Variants in RNF38 observed in about 807,000 individuals in gnomAD.
RNF38 encodes the protein ring finger protein 38.
A neutral mutation model predicts 67.2 loss-of-function variants in RNF38; 15 were observed. The ratio of observed to expected loss-of-function variants is 0.22; its 90% CI spans 0.15 to 0.34. The LOEUF (loss-of-function observed/expected upper bound fraction) is 0.34. Among genes scored for constraint, RNF38 ranks in the 10% least tolerant of loss-of-function variants. The pLI is 1.00. For synonymous variants in RNF38, 220 were observed against 218.8 expected, an observed-to-expected ratio of 1.01 and a Z score of -0.05; for missense variants, 524 against 639.9, an observed-to-expected ratio of 0.82 and a Z score of 1.95.
chr9:36,482,094 C>A (rs1840284141), intron 1 of RNF38, among the ~76,000 whole-genome samples: 2 of 143,730 alleles, frequency 1.4e-5, no homozygotes, highest in African/African-American at 5.2e-5. Flanking sequence ...GCTCTTGTTG[C>A]CCAGGCTGGA....
chr9:36,425,455 A>T (rs1330884460), intron 1 of RNF38, among the ~76,000 whole-genome samples: 1 of 152,212 alleles, frequency 6.6e-6, no homozygotes. Context: ...GCACTTTGGG[A>T]GGCCAGGGCG....
At chr9:36,435,770 C>T (rs1839050983) in intron 1 of RNF38, among the ~76,000 whole-genome samples, 1 of 152,062 alleles carries the variant, frequency 6.6e-6, no homozygotes, top group South Asian at 2.1e-4. Context: ...GCTGGGACCA[C>T]TGGTGCCTGC....
intron 3 of RNF38, among the ~76,000 whole-genome samples, chr9:36,374,188 TAA>T (rs780099992): frequency 6.6e-6 from 1 of 152,194 alleles, no homozygotes; most frequent in Non-Finnish European, 1.5e-5. Context: ...CTGGGTAATG[TAA>T]AAGTCTTAAT....
At chr9:36,339,949 C>G in intron 11 of RNF38, 135 bp from the exon 12 acceptor site, 2 of 775,040 alleles carry the variant, frequency 2.6e-6, no homozygotes, top group Non-Finnish European at 4.2e-6. Flanking sequence ...CAATTTTTGC[C>G]TTTTTTTAAC....
At chr9:36,366,398 G>C (rs1564012787) in intron 4 of RNF38, among the ~76,000 whole-genome samples, 1 of 151,894 alleles carries the variant, frequency 6.6e-6, no homozygotes, top group African/African-American at 2.4e-5. Context: ...TATTGCAACT[G>C]ATTAGTATGT....
chr9:36,428,532 G>T (rs1423863085), intron 1 of RNF38, among the ~76,000 whole-genome samples: 1 of 151,982 alleles, frequency 6.6e-6, no homozygotes, highest in Admixed American at 6.6e-5. Flanking sequence ...TAGAGTCAGA[G>T]ACTGAGCCTT....
At chr9:36,440,104 G>A (rs1839161094) in intron 1 of RNF38, among the ~76,000 whole-genome samples, 1 of 152,158 alleles carries the variant, frequency 6.6e-6, no homozygotes, top group African/African-American at 2.4e-5. Context: ...AAATCAGCCA[G>A]GTGTGGTGGC....
At chr9:36,423,511 C>T (rs550302332) in intron 2 of RNF38, among the ~76,000 whole-genome samples, 1 of 152,120 alleles carries the variant, frequency 6.6e-6, no homozygotes, top group East Asian at 1.9e-4. Flanking sequence ...ATATAACACG[C>T]AGAAAATGGG....
At chr9:36,446,109 T>C (rs772453483) in intron 1 of RNF38, among the ~76,000 whole-genome samples, 2 of 152,220 alleles carry the variant, frequency 1.3e-5, no homozygotes, top group African/African-American at 4.8e-5. Context: ...GTGTGGTCCA[T>C]GAGCACACCT....
chr9:36,445,638 G>C (rs1284829684), intron 1 of RNF38, among the ~76,000 whole-genome samples: 1 of 152,190 alleles, frequency 6.6e-6, no homozygotes, highest in Non-Finnish European at 1.5e-5. Context: ...AGAACCACTG[G>C]AGGATGGTGA....
At chr9:36,420,626 A>G (rs538993077) in intron 2 of RNF38, among the ~76,000 whole-genome samples, 2 of 152,138 alleles carry the variant, frequency 1.3e-5, no homozygotes, top group African/African-American at 4.8e-5. Context: ...TCAGTTAACA[A>G]TATCTTTATT....
chr9:36,399,213 G>A (rs10972882), intron 1 of RNF38, among the ~76,000 whole-genome samples: 53,586 of 152,002 alleles, frequency 0.35, 9,543 homozygotes, highest in Non-Finnish European at 0.39. Flanking sequence ...AGCCCAACAA[G>A]TATGGAAATA....
At chr9:36,445,439 A>AT (rs1839278252) in intron 1 of RNF38, among the ~76,000 whole-genome samples, 1 of 152,162 alleles carries the variant, frequency 6.6e-6, no homozygotes, top group Non-Finnish European at 1.5e-5. Flanking sequence ...ATTCTTTTTC[A>AT]TATTAATAAT....
intron 1 of RNF38, among the ~76,000 whole-genome samples, chr9:36,446,052 G>C (rs149927521): frequency 2.0e-5 from 3 of 152,188 alleles, no homozygotes; most frequent in African/African-American, 4.8e-5. Context: ...CTTACACAGG[G>C]AAGTCCACCA....
intron 1 of RNF38, among the ~76,000 whole-genome samples, chr9:36,448,149 G>A (rs911846747): frequency 6.6e-6 from 1 of 152,160 alleles, no homozygotes; most frequent in Non-Finnish European, 1.5e-5. Flanking sequence ...GGACAGAACT[G>A]GTCTTCTTAA....
chr9:36,383,776 C>CA (rs1261996713), intron 2 of RNF38, among the ~76,000 whole-genome samples: 1 of 149,778 alleles, frequency 6.7e-6, no homozygotes, highest in Non-Finnish European at 1.5e-5. Context: ...CATGCAGAAA[C>CA]AAAAAAATTT....
intron 1 of RNF38, among the ~76,000 whole-genome samples, chr9:36,438,749 C>T (rs1839127024): frequency 6.6e-6 from 1 of 152,178 alleles, no homozygotes; most frequent in Admixed American, 6.5e-5. Flanking sequence ...AAAGAATCTC[C>T]TCTTACCCAG....
At position 36,339,460 on chromosome 9, in the gene RNF38, G is replaced by A; in HGVS notation, c.*292C>T. On this transcript the variant is annotated 3_prime_UTR_variant, in exon 12 of 12. Coordinates refer to ENST00000259605, the MANE Select transcript of RNF38 (RefSeq NM_022781.5). ...AAAAGATCACGTCCACTGTAATCTT[G>A]CAGCAACACTCGGAATGATCACACA... 1 of 372,304 alleles carries A rather than the reference G, an allele frequency of 2.7e-6. No individual in the cohort carries two copies. Among genetic ancestry groups the A allele is most frequent in the Non-Finnish European group, 5.0e-6 (1 of 201,754 alleles). 23.1% of individuals were successfully genotyped at this position (372,304 alleles called of 1,614,324 possible).
intron 1 of RNF38, among the ~76,000 whole-genome samples, chr9:36,481,938 A>G (rs1021102091): frequency 6.6e-6 from 1 of 152,230 alleles, no homozygotes; most frequent in Non-Finnish European, 1.5e-5. Flanking sequence ...GGAAATAGGA[A>G]GAGAAAAATA....
Sources: gnomAD v4.1 joint callset for allele counts (sites outside exome capture counted in the v4.1 genomes callset) on GRCh38, gnomAD v4.1.1 for gene constraint, MANE v1.5 for transcripts, NCBI Gene and HGNC (gene_info 2026-07-23, HGNC 2026-07-21) for gene names.